DENND4C: variants seen among roughly 807,000 people sequenced by gnomAD.
DENND4C encodes the protein DENN domain containing 4C, also known as DENN domain-containing protein 4C.
A neutral mutation model predicts 203.0 loss-of-function variants in DENND4C; 108 were observed. The ratio of observed to expected loss-of-function variants is 0.53; its 90% CI spans 0.46 to 0.62. The LOEUF (loss-of-function observed/expected upper bound fraction) is 0.62. Among genes scored for constraint, DENND4C ranks in the 20% least tolerant of loss-of-function variants. DENND4C has a pLI of 0.00. For missense variants in DENND4C, 2,481 were observed against 2,301.2 expected (o/e 1.08, Z -1.60); for synonymous variants, 871 against 792.4 (o/e 1.10, Z -1.67).
chr9:19,369,932 C>G lies in DENND4C; in HGVS notation c.5620C>G (p.Leu1874Val). 1.2e-6 allele frequency: 2 copies of G among 1,613,908 alleles called. No individual in the cohort carries two copies. The highest frequency in any genetic ancestry group is 1.7e-6 in the Non-Finnish European group (2 of 1,179,944). ...GCAGAGTATTCAGCACAATAATGTT[C>G]TTAAACCCATCAACCTACTTTCACA... ...IRQSIQHNNV[L>V]KPINLLSQQM... is the part of the protein sequence containing the mutation. Residue 1874 changes from leucine to valine, a missense_variant, in exon 31 of 33, where the codon CTT becomes GTT. Physicochemically the swap from Leu to Val is conservative, Grantham distance 32. This residue lies in a region of DENND4C where 2,289 missense variants were observed against 2,113.3 expected (regional missense o/e 1.08). Coordinates refer to ENST00000434457, the MANE Select transcript of DENND4C (RefSeq NM_001330640.2).
intron 1 of DENND4C, among the ~76,000 whole-genome samples, chr9:19,261,991 T>A (rs1829472382): frequency 6.6e-6 from 1 of 151,562 alleles, no homozygotes; most frequent in African/African-American, 2.4e-5. Context: ...TTCAGATGGG[T>A]CATTGTTGAC....
At chr9:19,298,253 C>A in intron 7 of DENND4C, 131 bp downstream of exon 7, 1 of 714,276 alleles carries the variant, frequency 1.4e-6, no homozygotes, top group Non-Finnish European at 2.3e-6. Context: ...ATTTTCTGTG[C>A]TTTGTAGCTT....
At position 19,346,286 on chromosome 9, in the gene DENND4C, A is replaced by G; in HGVS notation, c.3517A>G (p.Arg1173Gly). ...TGAAAGCACTTGGAATCCTGAGCACAGATCATCTCCGGTGCCAGAGATGCT... is the reference window on the plus strand; with the variant it reads ...TGAAAGCACTTGGAATCCTGAGCACGGATCATCTCCGGTGCCAGAGATGCT... The part of the protein sequence containing the change: ...MSESTWNPEH[R>G]SSPVPEMLEE... The change falls in exon 23 of 33, where the codon AGA (arginine) becomes GGA (glycine). Residue 1173 changes from arginine to glycine, a missense_variant. Arg to Gly is a moderately radical substitution (Grantham distance 125, BLOSUM62 -2). This residue lies in a region of DENND4C where 2,289 missense variants were observed against 2,113.3 expected (regional missense o/e 1.08). Coordinates refer to ENST00000434457, the MANE Select transcript of DENND4C (RefSeq NM_001330640.2). The G allele has an allele frequency of 1.2e-6, 2 of 1,614,198 alleles. No individual in the cohort carries two copies. Among genetic ancestry groups the G allele is most frequent in the East Asian group, 2.2e-5 (1 of 44,886 alleles).
At chr9:19,300,511 T>C (rs1563778726) in intron 9 of DENND4C, among the ~76,000 whole-genome samples, 180 bp downstream of exon 9, 2 of 152,166 alleles carry the variant, frequency 1.3e-5, no homozygotes, top group Admixed American at 1.3e-4. Context: ...GTAGGAAATA[T>C]AAAGAAAACA....
chr9:19,282,109 A>G (rs1241818284), intron 2 of DENND4C, among the ~76,000 whole-genome samples: 3 of 151,966 alleles, frequency 2.0e-5, no homozygotes, highest in Non-Finnish European at 4.4e-5. Flanking sequence ...AAACTTTTAA[A>G]GTTTTTGTTA....
intron 1 of DENND4C, among the ~76,000 whole-genome samples, chr9:19,250,954 C>G (rs1826413751): frequency 6.6e-6 from 1 of 152,204 alleles, no homozygotes; most frequent in African/African-American, 2.4e-5. Flanking sequence ...ACGATGCAAA[C>G]TGTGGGAGGA....
chr9:19,324,775 A>T (rs1402574158), intron 13 of DENND4C, among the ~76,000 whole-genome samples: 1 of 152,242 alleles, frequency 6.6e-6, no homozygotes, highest in African/African-American at 2.4e-5. Context: ...GCTAGGGTGC[A>T]GTGGCATGAT....
chr9:19,235,038 C>A, intron 1 of DENND4C, among the ~76,000 whole-genome samples: 1 of 150,192 alleles, frequency 6.7e-6, no homozygotes, highest in East Asian at 2.0e-4. Flanking sequence ...GATCTCAGTT[C>A]ACTGCAACCT....
Position 19,337,690 on chromosome 9 carries a change from A to G in DENND4C, c.2881+858A>G, listed in dbSNP as rs1259070854. On this transcript the variant is annotated intron_variant, in intron 20 of 32. Coordinates refer to ENST00000434457, the MANE Select transcript of DENND4C (RefSeq NM_001330640.2). ...CACATCAGGTAATTTCCCATTTATT[A>G]GGTTAAATTTTGCTGACCTGCAAGG... The G allele has an allele frequency of 2.3e-6, 3 of 1,286,484 alleles. No individual in the cohort carries two copies. The South Asian group carries it at 3.7e-5, about 16-fold the overall frequency. The allele number at this position is 1,286,484 out of a possible 1,614,324, so 79.7% of individuals were successfully genotyped here. A position where few individuals can be genotyped will look rare whatever the true frequency, so the allele number is the denominator to read the frequency against.
chr9:19,319,626 T>G (rs1250017035), intron 12 of DENND4C, among the ~76,000 whole-genome samples: 1 of 151,590 alleles, frequency 6.6e-6, no homozygotes, highest in Non-Finnish European at 1.5e-5. Context: ...AGATGAAGAA[T>G]ATGGATTGTA....
chr9:19,335,904 G>A (rs984530772), intron 18 of DENND4C, among the ~76,000 whole-genome samples: 26 of 152,034 alleles, frequency 1.7e-4, no homozygotes, highest in Non-Finnish European at 3.7e-4. Context: ...TGATATGGTA[G>A]CTCTAGTTTT....
At chr9:19,276,544 G>A (rs1051783021) in intron 2 of DENND4C, 65 bp downstream of exon 2, 9 of 977,622 alleles carry the variant, frequency 9.2e-6, no homozygotes, top group East Asian at 3.3e-5. Flanking sequence ...CATGGAAGTA[G>A]GAATTTGAAA....
intron 25 of DENND4C, 82 bp downstream of exon 25, chr9:19,352,264 A>G: frequency 1.5e-6 from 2 of 1,326,554 alleles, no homozygotes; most frequent in South Asian, 1.2e-5. Context: ...GGATTCTAAG[A>G]TACCCTTGTG....
chr9:19,283,608 T>TTTTG (rs1834568310), intron 2 of DENND4C, among the ~76,000 whole-genome samples: 1 of 109,794 alleles, frequency 9.1e-6, no homozygotes, highest in African/African-American at 3.1e-5. Flanking sequence ...TCTTTTTTCT[T>TTTTG]TCTTTTTTTT....
intron 1 of DENND4C, among the ~76,000 whole-genome samples, chr9:19,274,401 TTC>T (rs1371297492): frequency 1.3e-5 from 2 of 152,104 alleles, no homozygotes; most frequent in Non-Finnish European, 2.9e-5. Context: ...GTTCAAGCGA[TTC>T]TCCTGCCTCA....
chr9:19,321,475 T>G (rs1039930167), intron 12 of DENND4C, among the ~76,000 whole-genome samples: 1 of 152,124 alleles, frequency 6.6e-6, no homozygotes, highest in East Asian at 1.9e-4. Context: ...GAAGGTTTTT[T>G]TTTTTGTTTT....
At position 19,370,456 on chromosome 9, in the gene DENND4C, A is replaced by G. The variant is rs73418058; in HGVS notation, c.5675+469A>G. On this transcript the variant is annotated intron_variant, in intron 31 of 32. Coordinates refer to ENST00000434457, the MANE Select transcript of DENND4C (RefSeq NM_001330640.2). ...GTGACAACAGCAAAACCCTGTCTCA[A>G]AAAAAAAAAAAGAGTGGAAATAGAT... Among the ~76,000 whole-genome samples the G allele has an allele frequency of 5.7e-3, 836 of 147,720 alleles. 3 individuals carry two copies. The highest frequency in any genetic ancestry group is 0.019 in the African/African-American group (790 of 40,888).
intron 30 of DENND4C, among the ~76,000 whole-genome samples, chr9:19,366,344 G>A (rs553485112): frequency 2.4e-4 from 37 of 152,328 alleles, no homozygotes; most frequent in Admixed American, 5.9e-4. Flanking sequence ...GCTCACGCCT[G>A]TAATCCCAGC....
At chr9:19,301,829 C>T (rs1459421207) in intron 9 of DENND4C, among the ~76,000 whole-genome samples, 3 of 152,094 alleles carry the variant, frequency 2.0e-5, no homozygotes, top group African/African-American at 7.2e-5. Flanking sequence ...CCCAGCTACT[C>T]GGGAGGCTGA....
Sources: gnomAD v4.1 joint callset for allele counts (sites outside exome capture counted in the v4.1 genomes callset) on GRCh38, gnomAD v4.1.1 for gene constraint, gnomAD v4.1.1 regional missense constraint, MANE v1.5 for transcripts, NCBI Gene and HGNC (gene_info 2026-07-23, HGNC 2026-07-21) for gene names.